Variants in NOS1AP observed in about 807,000 individuals in gnomAD.
The protein encoded by NOS1AP is nitric oxide synthase 1 adaptor protein.
A neutral mutation model predicts 56.2 loss-of-function variants in NOS1AP; 21 were observed. The observed-to-expected ratio is 0.37, with a 90% CI of 0.26 to 0.54. The LOEUF (loss-of-function observed/expected upper bound fraction) is 0.54, where lower values mean the gene tolerates loss of function less well. Ranked by LOEUF, NOS1AP falls within the 20% of genes least tolerant of loss-of-function variation. The pLI, the probability that NOS1AP is intolerant of heterozygous loss-of-function variation, is 0.84. For missense variants in NOS1AP, 522 were observed against 657.8 expected (o/e 0.79, Z 2.26); for synonymous variants, 270 against 274.6 (o/e 0.98, Z 0.17).
chr1:162,281,148 G>T (rs1654912980), intron 2 of NOS1AP, among the ~76,000 whole-genome samples: 1 of 152,188 alleles, frequency 6.6e-6, no homozygotes, highest in Admixed American at 6.5e-5. Context: ...TTTTTAAAAG[G>T]CTGTATCAAG....
At chr1:162,287,566 C>T in intron 3 of NOS1AP, 130 bp downstream of exon 3, 1 of 743,132 alleles carries the variant, frequency 1.3e-6, no homozygotes, top group Non-Finnish European at 2.4e-6. Context: ...CTGCTTTGAG[C>T]AGCAATGGTG....
chr1:162,256,079 G>T (rs550400378), intron 2 of NOS1AP, among the ~76,000 whole-genome samples: 2 of 152,108 alleles, frequency 1.3e-5, no homozygotes, highest in African/African-American at 4.8e-5. Flanking sequence ...ACAAGACGGA[G>T]GTTGCATTGA....
At chr1:162,231,080 T>G (rs1026944057) in intron 2 of NOS1AP, among the ~76,000 whole-genome samples, 5 of 152,202 alleles carry the variant, frequency 3.3e-5, no homozygotes, top group African/African-American at 4.8e-5. Context: ...CCATAGCAAA[T>G]GCATCATTTT....
intron 2 of NOS1AP, among the ~76,000 whole-genome samples, chr1:162,262,300 A>G (rs976912632): frequency 1.3e-5 from 2 of 152,194 alleles, no homozygotes; most frequent in Non-Finnish European, 2.9e-5. Flanking sequence ...TTAGTGGCCA[A>G]TGTATTTTCG....
chr1:162,342,522 C>T (rs1475916855), intron 5 of NOS1AP: 1 of 475,738 alleles, frequency 2.1e-6, no homozygotes, highest in Non-Finnish European at 4.4e-6. Context: ...GCACAGGGTT[C>T]CAAGGTCCCT....
intron 2 of NOS1AP, among the ~76,000 whole-genome samples, chr1:162,272,451 G>A (rs1207642060): frequency 6.6e-6 from 1 of 152,144 alleles, no homozygotes; most frequent in East Asian, 1.9e-4. Flanking sequence ...CTGAAGCACA[G>A]ACATCTGAGG....
chr1:162,331,505 A>G (rs1365317289), intron 4 of NOS1AP, among the ~76,000 whole-genome samples: 6 of 152,178 alleles, frequency 3.9e-5, no homozygotes, highest in African/African-American at 1.4e-4. Context: ...TAGTAGTCCC[A>G]TTGTACAGAT....
chr1:162,277,766 T>C (rs755176462), intron 2 of NOS1AP, among the ~76,000 whole-genome samples: 6 of 152,344 alleles, frequency 3.9e-5, no homozygotes, highest in East Asian at 3.9e-4. Context: ...TGTGCTGGCA[T>C]TGGTGAAAAC....
Position 162,367,254 on chromosome 1 carries a change from C to T in NOS1AP, c.1308C>T (p.Pro436=), listed in dbSNP as rs745790776. ...VKLECFRFLP[P]EDTPPPAQGE... is the part of the protein sequence containing the mutation. ...TGGAGTGCTTTCGCTTTCTTCCGCCCGAGGACACCCCGCCCCCAGCGCAGG... is the reference window on the plus strand; with the variant it reads ...TGGAGTGCTTTCGCTTTCTTCCGCCTGAGGACACCCCGCCCCCAGCGCAGG... Residue 436 remains proline (P), a synonymous_variant, in exon 10 of 10, where the codon CCC becomes CCT. Transcript: ENST00000361897. This position sits in a 1 kb window ranked among gnomAD's most constrained non-coding sequence, Gnocchi z 6.5. 2 of 1,613,606 alleles carry T rather than the reference C, an allele frequency of 1.2e-6. No individual in the cohort carries two copies. The highest frequency in any genetic ancestry group is 1.3e-5 in the African/African-American group (1 of 74,952).
intron 2 of NOS1AP, among the ~76,000 whole-genome samples, chr1:162,180,536 G>A (rs140502414): frequency 3.6e-4 from 55 of 152,272 alleles, no homozygotes; most frequent in African/African-American, 1.2e-3. Flanking sequence ...GAGCCACCGC[G>A]CCCGGCCAAT....
At chr1:162,264,346 C>T (rs1339097830) in intron 2 of NOS1AP, among the ~76,000 whole-genome samples, 2 of 152,034 alleles carry the variant, frequency 1.3e-5, no homozygotes, top group African/African-American at 2.4e-5. Context: ...CAGCCCAAGG[C>T]CTTTGGCTAT....
Position 162,139,255 on chromosome 1 carries a change from G to A in NOS1AP, c.106-15150G>A, listed in dbSNP as rs1022785591. Among the ~76,000 whole-genome samples, 40 of 152,154 alleles carry A rather than the reference G, an allele frequency of 2.6e-4. 1 individual carries two copies. Among genetic ancestry groups the A allele is most frequent in the Admixed American group, 1.3e-4 (2 of 15,272 alleles). ...ACAAGGCTCTAACCACCAAGACACT[G>A]TGTTTCTGTTTGGTGCTGAAGGATT... On this transcript the variant is annotated intron_variant, in intron 1 of 9. Transcript: ENST00000361897.
Position 162,111,382 on chromosome 1 carries a change from G to C in NOS1AP, c.105+41100G>C, listed in dbSNP as rs896449935. On this transcript the variant is annotated intron_variant, in intron 1 of 9. Transcript: ENST00000361897. ...TAGAGCTCCCCACATCCTCATCCCA[G>C]CCCCCTGGTGATGTAGGCGTGGTTG... 6.6e-5 allele frequency among the ~76,000 whole-genome samples: 10 copies of C among 152,320 alleles called. No homozygotes were observed. The South Asian group carries it at 2.1e-3, about 32-fold the overall frequency.
rs912022199 is a variant in NOS1AP, at chr1:162,364,198, C to G, written c.940-1206C>G. The G allele has an allele frequency of 1.8e-5, 18 of 985,314 alleles. No individual in the cohort carries two copies. In the African/African-American group the frequency reaches 2.4e-4, roughly 13 times the overall value. 61.0% of individuals were successfully genotyped at this position (985,314 alleles called of 1,614,324 possible). ...GGAATCAGCTAATGCTTTTGACTCC[C>G]CATCCATCTTCCTGCATCCTCGTCC... On this transcript the variant is annotated intron_variant, in intron 8 of 9. Coordinates refer to ENST00000361897, the MANE Select transcript of NOS1AP (RefSeq NM_014697.3).
chr1:162,342,914 A>C (rs1657156364), intron 5 of NOS1AP, among the ~76,000 whole-genome samples: 1 of 152,216 alleles, frequency 6.6e-6, no homozygotes, highest in Non-Finnish European at 1.5e-5. Flanking sequence ...AGGCCCACTG[A>C]GGTAAGAGAA....
At chr1:162,090,245 TA>T (rs148144894) in intron 1 of NOS1AP, among the ~76,000 whole-genome samples, 12,693 of 152,092 alleles carry the variant, frequency 0.083, 1,032 homozygotes, top group African/African-American at 0.21. Context: ...TGACATTTTT[TA>T]AAAAATCTTA....
chr1:162,191,527 C>T (rs978383347), intron 2 of NOS1AP, among the ~76,000 whole-genome samples: 1 of 152,164 alleles, frequency 6.6e-6, no homozygotes, highest in African/African-American at 2.4e-5. Flanking sequence ...CTGTGTTCCC[C>T]CAGGACTCTT....
chr1:162,336,404 A>G (rs943519432), intron 5 of NOS1AP, among the ~76,000 whole-genome samples: 2 of 152,224 alleles, frequency 1.3e-5, no homozygotes, highest in African/African-American at 4.8e-5. Context: ...TTGTTGGCTC[A>G]TGAGGAAGTT....
Position 162,105,899 on chromosome 1 carries a change from G to T in NOS1AP, c.105+35617G>T, listed in dbSNP as rs146265470. Among the ~76,000 whole-genome samples, 33 of 152,342 alleles carry T rather than the reference G, an allele frequency of 2.2e-4. 1 individual carries two copies. Among genetic ancestry groups the T allele is most frequent in the African/African-American group, 6.5e-4 (27 of 41,580 alleles). ...GCCAGTGGGTCTCAATCCACGTGGT[G>T]CTGTGAAAGTGGGGCCCGAAGAATG... On this transcript the variant is annotated intron_variant, in intron 1 of 9. Coordinates refer to ENST00000361897, the MANE Select transcript of NOS1AP (RefSeq NM_014697.3).
Sources: gnomAD v4.1 joint callset for allele counts (sites outside exome capture counted in the v4.1 genomes callset) on GRCh38, gnomAD v4.1.1 for gene constraint, Gnocchi (gnomAD v3.1) non-coding constraint, MANE v1.5 for transcripts, NCBI Gene and HGNC (gene_info 2026-07-23, HGNC 2026-07-21) for gene names.